KLF7: variants seen among roughly 807,000 people sequenced by gnomAD.
The protein encoded by KLF7 is KLF transcription factor 7, also known as Krueppel-like factor 7.
Under a neutral mutation model 27.3 loss-of-function variants are expected in KLF7, and 2 were observed. That is an observed-to-expected ratio of 0.07 (90% CI 0.03 to 0.23). The LOEUF (loss-of-function observed/expected upper bound fraction) is 0.23, where lower values mean the gene tolerates loss of function less well. KLF7 is among the 10% of genes least tolerant of loss of function. The probability of loss-of-function intolerance (pLI) is 1.00; values close to 1 mark genes in which losing one functional copy is unlikely to be tolerated. For missense variants in KLF7, 221 were observed against 394.1 expected, an observed-to-expected ratio of 0.56 and a Z score of 3.72; for synonymous variants, 165 against 162.4, an observed-to-expected ratio of 1.02 and a Z score of -0.12.
At chr2:207,081,440 T>C (rs2287506) in intron 3 of KLF7, among the ~76,000 whole-genome samples, 176 bp from the exon 4 acceptor site, 88,747 of 152,082 alleles carry the variant, frequency 0.58, 26,777 homozygotes, top group Middle Eastern at 0.66. Context: ...GTTTAAATCC[T>C]ATCTCTTCCA....
At chr2:207,143,097 CACA>C (rs1559157276) in intron 1 of KLF7, among the ~76,000 whole-genome samples, 2 of 152,038 alleles carry the variant, frequency 1.3e-5, no homozygotes, top group East Asian at 1.9e-4. Context: ...TAGAAAACAA[CACA>C]ACAACAAAAA....
intron 1 of KLF7, among the ~76,000 whole-genome samples, chr2:207,154,156 T>C (rs2078318325): frequency 6.6e-6 from 1 of 152,058 alleles, no homozygotes; most frequent in African/African-American, 2.4e-5. Context: ...GAAAATGAAA[T>C]AAAAATCCGA....
intron 2 of KLF7, among the ~76,000 whole-genome samples, chr2:207,094,393 A>G (rs1429953131): frequency 6.6e-6 from 1 of 152,146 alleles, no homozygotes; most frequent in Non-Finnish European, 1.5e-5. Context: ...ACATTTAGGT[A>G]TGTCAAGGTC....
Position 207,124,006 on chromosome 2 carries a change from C to G in KLF7, c.501G>C (p.Val167=), listed in dbSNP as rs762605991. Residue 167 remains valine (V), a synonymous_variant, in exon 2 of 4, where the codon GTG becomes GTC. Transcript: ENST00000309446. ...CGGAGCTGAGAGCAGCCTTCTTGGC[C>G]ACCAGTTTCAACGTCACCGTGCCAT... The part of the protein sequence containing the change: ...AVDGTVTLKL[V]AKKAALSSVK... 1 of 1,614,030 alleles carries G rather than the reference C, an allele frequency of 6.2e-7. No individual in the cohort carries two copies. The highest frequency in any genetic ancestry group is 8.5e-7 in the Non-Finnish European group (1 of 1,180,038).
chr2:207,127,406 G>T (rs1453961276), intron 1 of KLF7, among the ~76,000 whole-genome samples: 1 of 152,126 alleles, frequency 6.6e-6, no homozygotes, highest in Non-Finnish European at 1.5e-5. Flanking sequence ...CCCAGTGAGG[G>T]GGTTAAAGAC....
chr2:207,126,594 G>A (rs2077481461), intron 1 of KLF7, among the ~76,000 whole-genome samples: 1 of 152,100 alleles, frequency 6.6e-6, no homozygotes, highest in Admixed American at 6.5e-5. Context: ...ATATGTTTTA[G>A]GTAAAAATCA....
At chr2:207,102,994 T>C (rs933412578) in intron 2 of KLF7, among the ~76,000 whole-genome samples, 9 of 152,184 alleles carry the variant, frequency 5.9e-5, no homozygotes, top group African/African-American at 2.2e-4. Flanking sequence ...AGTGGCGTGA[T>C]CTTAGCTCAC....
chr2:207,086,951 A>T (rs1336995017), intron 3 of KLF7, among the ~76,000 whole-genome samples: 1 of 152,222 alleles, frequency 6.6e-6, no homozygotes, highest in African/African-American at 2.4e-5. Context: ...ATGGACAGAG[A>T]GTCACCATCT....
intron 2 of KLF7, among the ~76,000 whole-genome samples, chr2:207,109,299 T>A (rs751082782): frequency 1.1e-4 from 16 of 152,218 alleles, no homozygotes; most frequent in Non-Finnish European, 2.4e-4. Flanking sequence ...GAATTAGTAG[T>A]TATACTGAAC....
At chr2:207,139,971 C>A (rs1012039162) in intron 1 of KLF7, among the ~76,000 whole-genome samples, 2 of 152,188 alleles carry the variant, frequency 1.3e-5, no homozygotes, top group African/African-American at 2.4e-5. Context: ...TCACTGCAAC[C>A]TCTGCCTCCC....
chr2:207,164,796 G>A (rs2078653487), intron 1 of KLF7, among the ~76,000 whole-genome samples: 1 of 152,146 alleles, frequency 6.6e-6, no homozygotes, highest in African/African-American at 2.4e-5. Context: ...CACGCATAGA[G>A]GGTGTTCTCT....
rs938856645 is a variant in KLF7 at position 207,081,145 on chromosome 2, G to C, written c.*68C>G. On this transcript the variant is annotated 3_prime_UTR_variant, in exon 4 of 4. Transcript: ENST00000309446. ...GCAATGGGTCCCCGCCTGAAGTCCAGCCCCCTGCCTCATGGCGTTTCCTTT... is the reference window on the plus strand; with the variant it reads ...GCAATGGGTCCCCGCCTGAAGTCCACCCCCCTGCCTCATGGCGTTTCCTTT... 1 of 1,437,986 alleles carries C rather than the reference G, an allele frequency of 7.0e-7. No individual in the cohort carries two copies. The highest frequency in any genetic ancestry group is 9.8e-7 in the Non-Finnish European group (1 of 1,019,966). The allele number at this position is 1,437,986 out of a possible 1,614,324, so 89.1% of individuals were successfully genotyped here.
At chr2:207,120,069 CT>C (rs1432345924) in intron 2 of KLF7, among the ~76,000 whole-genome samples, 1 of 152,170 alleles carries the variant, frequency 6.6e-6, no homozygotes, top group African/African-American at 2.4e-5. Flanking sequence ...CATTCCTCGC[CT>C]CGTTATCCTG....
At chr2:207,144,157 A>C (rs1368602735) in intron 1 of KLF7, among the ~76,000 whole-genome samples, 1 of 73,548 alleles carries the variant, frequency 1.4e-5, no homozygotes, top group African/African-American at 6.3e-5. Flanking sequence ...GAGTCGTCAC[A>C]GCGGGGGGGA....
rs149114623 is a variant in KLF7 at position 207,109,595 on chromosome 2, A to G, written c.733+14179T>C. 1.7e-3 allele frequency among the ~76,000 whole-genome samples: 260 copies of G among 152,372 alleles called. 1 individual carries two copies. The highest frequency in any genetic ancestry group is 6.8e-3 in the Middle Eastern group (2 of 292). ...AAACACTTGGCAACTGTAAAGATCA[A>G]TACAAGTGATATTATTATTGCTTAC... On this transcript the variant is annotated intron_variant, in intron 2 of 3. Transcript: ENST00000309446.
At chr2:207,115,425 T>C (rs140379479) in intron 2 of KLF7, among the ~76,000 whole-genome samples, 15 of 152,310 alleles carry the variant, frequency 9.8e-5, no homozygotes, top group South Asian at 8.3e-4. Context: ...CCTTAAATAA[T>C]TGAAGTGCTT....
chr2:207,106,642 T>C (rs982961665), intron 2 of KLF7, among the ~76,000 whole-genome samples: 1 of 152,188 alleles, frequency 6.6e-6, no homozygotes, highest in Non-Finnish European at 1.5e-5. Flanking sequence ...GCGTGAATCA[T>C]ACATGCTCTG....
intron 1 of KLF7, among the ~76,000 whole-genome samples, chr2:207,151,875 T>C (rs2078257647): frequency 6.6e-6 from 1 of 152,140 alleles, no homozygotes; most frequent in Non-Finnish European, 1.5e-5. Flanking sequence ...AATGGCTTTT[T>C]TTAATCAGGA....
chr2:207,159,365 T>C (rs1269818257), intron 1 of KLF7, among the ~76,000 whole-genome samples: 1 of 152,170 alleles, frequency 6.6e-6, no homozygotes, highest in Non-Finnish European at 1.5e-5. Context: ...TAAACAAGGT[T>C]GGAACTATGT....
Sources: gnomAD v4.1 joint callset for allele counts (sites outside exome capture counted in the v4.1 genomes callset) on GRCh38, gnomAD v4.1.1 for gene constraint, MANE v1.5 for transcripts, NCBI Gene and HGNC (gene_info 2026-07-23, HGNC 2026-07-21) for gene names.